Variants in CAMK1D observed in about 807,000 individuals in gnomAD.
CAMK1D encodes calcium/calmodulin-dependent protein kinase type 1D.
CAMK1D carries 9 observed loss-of-function variants against 47.7 expected under a neutral mutation model. The ratio of observed to expected loss-of-function variants is 0.19; its 90% CI spans 0.11 to 0.33. The LOEUF is 0.33. Among genes scored for constraint, CAMK1D ranks in the 10% least tolerant of loss-of-function variants. CAMK1D has a pLI of 1.00. For synonymous variants in CAMK1D, 184 were observed against 184.9 expected (o/e 0.99, Z 0.04); for missense variants, 291 against 488.7 (o/e 0.60, Z 3.81).
At chr10:12,588,778 G>GTA (rs375676578) in intron 2 of CAMK1D, among the ~76,000 whole-genome samples, 135 of 149,670 alleles carry the variant, frequency 9.0e-4, no homozygotes, top group Non-Finnish European at 1.5e-3. Flanking sequence ...AAGTGCATAT[G>GTA]TATATATATA....
chr10:12,656,094 G>A lies in CAMK1D; in HGVS notation c.225-10642G>A, dbSNP rs1453400458. Among the ~76,000 whole-genome samples the A allele has an allele frequency of 2.0e-5, 3 of 152,170 alleles. No homozygotes were observed. The East Asian group carries it at 5.8e-4, about 29-fold the overall frequency. ...TGGTTGATTTCTAGACAAGGAAACC[G>A]AGACCCAGGAAGGGGATGTGACCAG... is the stretch of plus-strand genomic sequence containing the variant. On this transcript the variant is annotated intron_variant, in intron 2 of 10. Coordinates refer to ENST00000619168, the MANE Select transcript of CAMK1D (RefSeq NM_153498.4).
At chr10:12,729,531 G>T (rs1157309818) in intron 3 of CAMK1D, among the ~76,000 whole-genome samples, 1 of 152,140 alleles carries the variant, frequency 6.6e-6, no homozygotes, top group Non-Finnish European at 1.5e-5. Flanking sequence ...CCAGCTACGT[G>T]GAAGGGTGAG....
chr10:12,614,901 G>A (rs918743971), intron 2 of CAMK1D, among the ~76,000 whole-genome samples: 1 of 152,148 alleles, frequency 6.6e-6, no homozygotes, highest in Non-Finnish European at 1.5e-5. Context: ...GCCCCAAGTC[G>A]CCATCCTTAG....
At chr10:12,635,359 C>G (rs146161394) in intron 2 of CAMK1D, among the ~76,000 whole-genome samples, 1 of 152,126 alleles carries the variant, frequency 6.6e-6, no homozygotes, top group Non-Finnish European at 1.5e-5. Flanking sequence ...TTTTAGTAAA[C>G]GTAGTCAATG....
rs181839820 is a variant in CAMK1D, at chr10:12,443,400, G to A, written c.92+93490G>A. On this transcript the variant is annotated intron_variant, in intron 1 of 10. Transcript: ENST00000619168. ...AAGCTTGTAGTTGCAATATAGTGTC[G>A]TGATGACCTTCACGAAGGCACGAAC... Among the ~76,000 whole-genome samples, 220 of 152,040 alleles carry A rather than the reference G, an allele frequency of 1.4e-3. 1 individual carries two copies. Among genetic ancestry groups the A allele is most frequent in the African/African-American group, 4.7e-3 (193 of 41,478 alleles).
intron 1 of CAMK1D, among the ~76,000 whole-genome samples, chr10:12,542,781 C>T (rs557974929): frequency 5.9e-5 from 9 of 152,310 alleles, no homozygotes; most frequent in Admixed American, 3.3e-4. Context: ...CTCGCTCTGT[C>T]GCCCAGGCTG....
In CAMK1D at chr10:12,564,155, C is replaced by CTCTCTCTGTCTG. The variant is rs1554789287; in HGVS notation, c.224+10806_224+10807insGTCTGTCTCTCT. Among the ~76,000 whole-genome samples the CTCTCTCTGTCTG allele has an allele frequency of 4.4e-4, 46 of 103,504 alleles. 1 individual carries two copies. The highest frequency in any genetic ancestry group is 1.4e-3 in the African/African-American group (38 of 26,418). 67.9% of individuals were successfully genotyped at this position (103,504 alleles called of 152,430 possible). A position where few individuals can be genotyped will look rare whatever the true frequency, so the allele number is the denominator to read the frequency against. On this transcript the variant is annotated intron_variant, in intron 2 of 10. Coordinates refer to ENST00000619168, the MANE Select transcript of CAMK1D (RefSeq NM_153498.4). ...TCTCTCTCTCTCTCTCTGTCTCTCT[C>CTCTCTCTGTCTG]TCTCTCTCTCTCTCTCTCTCTCTCT...
At chr10:12,549,751 G>C (rs1836517202) in intron 1 of CAMK1D, among the ~76,000 whole-genome samples, 1 of 152,170 alleles carries the variant, frequency 6.6e-6, no homozygotes, top group African/African-American at 2.4e-5. Flanking sequence ...GCGCCACATA[G>C]CCCATCCCCA....
At chr10:12,388,014 C>A (rs373478345) in intron 1 of CAMK1D, among the ~76,000 whole-genome samples, 22 of 152,130 alleles carry the variant, frequency 1.4e-4, no homozygotes, top group African/African-American at 4.6e-4. Context: ...CCCCTGGGAA[C>A]CTCCCTTTCT....
Position 12,359,190 on chromosome 10 carries a change from A to G in CAMK1D, c.92+9280A>G, listed in dbSNP as rs116564802. Among the ~76,000 whole-genome samples the G allele has an allele frequency of 1.4e-3, 209 of 152,294 alleles. 1 individual carries two copies. The highest frequency in any genetic ancestry group is 4.6e-3 in the African/African-American group (192 of 41,546). The stretch of plus-strand genomic sequence containing the variant: ...TCTGAGCCTCATGTCCTCATCTGTA[A>G]AACAGGATGACACTTGGACCTAATG... On this transcript the variant is annotated intron_variant, in intron 1 of 10. Coordinates refer to ENST00000619168, the MANE Select transcript of CAMK1D (RefSeq NM_153498.4).
intron 2 of CAMK1D, among the ~76,000 whole-genome samples, chr10:12,658,894 C>T (rs907828954): frequency 1.2e-4 from 18 of 152,172 alleles, no homozygotes; most frequent in Non-Finnish European, 1.0e-4. Flanking sequence ...TTTTCCGGTA[C>T]ACCAAGGCAA....
At chr10:12,431,416 CAG>C (rs1243433899) in intron 1 of CAMK1D, among the ~76,000 whole-genome samples, 8 of 152,290 alleles carry the variant, frequency 5.3e-5, no homozygotes, top group Non-Finnish European at 1.2e-4. Flanking sequence ...TGTGATCACT[CAG>C]TGTCTGAGGA....
chr10:12,350,368 A>G (rs1171157376), intron 1 of CAMK1D, among the ~76,000 whole-genome samples: 6 of 152,186 alleles, frequency 3.9e-5, no homozygotes, highest in Admixed American at 2.0e-4. Flanking sequence ...ATGTATTTCT[A>G]TGGAATTGGC....
At chr10:12,582,326 C>T (rs754559646) in intron 2 of CAMK1D, among the ~76,000 whole-genome samples, 21 of 152,106 alleles carry the variant, frequency 1.4e-4, no homozygotes, top group Non-Finnish European at 2.5e-4. Flanking sequence ...AAAATGATGC[C>T]TCCAGATTTA....
rs78431942 is a variant in CAMK1D at position 12,745,907 on chromosome 10, G to A, written c.300-15041G>A. On this transcript the variant is annotated intron_variant, in intron 3 of 10. Transcript: ENST00000619168. ...GCATGAGCTACTTTGCCTGGCTGAC[G>A]AAATCTGACAACTTTCTTCCAGAAT... is the stretch of plus-strand genomic sequence containing the variant. 2.6e-3 allele frequency among the ~76,000 whole-genome samples: 400 copies of A among 152,160 alleles called. 5 individuals carry two copies. The East Asian group carries it at 0.037, about 14-fold the overall frequency.
At chr10:12,780,154 A>C (rs1434061752) in intron 5 of CAMK1D, among the ~76,000 whole-genome samples, 1 of 152,082 alleles carries the variant, frequency 6.6e-6, no homozygotes, top group Admixed American at 6.5e-5. Flanking sequence ...TTCAGGGATC[A>C]CTGCACTTCT....
chr10:12,431,636 G>A (rs577557410), intron 1 of CAMK1D, among the ~76,000 whole-genome samples: 3 of 152,248 alleles, frequency 2.0e-5, no homozygotes, highest in South Asian at 4.2e-4. Context: ...TGGGAGGAGC[G>A]TGCTCTGTTA....
In CAMK1D at chr10:12,830,963, AC is replaced by A. The variant is rs61581506; in HGVS notation, c.*2077del. On this transcript the variant is annotated 3_prime_UTR_variant, in exon 11 of 11. Transcript: ENST00000619168. ...CACACACACACACACACACACACAC[AC>A]AATGTTATTAGGCACAGCAGCTCCA... The A allele has an allele frequency of 0.25, 36,231 of 146,688 alleles. 4,444 individuals are homozygous for A. The highest frequency in any genetic ancestry group is 0.35 in the South Asian group (1,656 of 4,732). 9.1% of individuals were successfully genotyped at this position (146,688 alleles called of 1,614,324 possible).
At chr10:12,525,374 A>G (rs1588591761) in intron 1 of CAMK1D, among the ~76,000 whole-genome samples, 1 of 152,158 alleles carries the variant, frequency 6.6e-6, no homozygotes, top group African/African-American at 2.4e-5. Flanking sequence ...TGACATGAAT[A>G]TTAGATCTTT....
Sources: allele counts gnomAD v4.1 joint callset (sites outside exome capture counted in the v4.1 genomes callset), GRCh38; gene constraint gnomAD v4.1.1; transcripts MANE v1.5; gene names NCBI Gene and HGNC (gene_info 2026-07-23, HGNC 2026-07-21).